PDE4D: variants seen among roughly 807,000 people sequenced by gnomAD.
PDE4D encodes 3',5'-cyclic-AMP phosphodiesterase 4D.
PDE4D carries 24 observed loss-of-function variants against 87.4 expected under a neutral mutation model. That is an observed-to-expected ratio of 0.27 (90% CI 0.20 to 0.39). The LOEUF is 0.39. Among genes scored for constraint, PDE4D ranks in the 10% least tolerant of loss-of-function variants. The pLI, the probability that PDE4D is intolerant of heterozygous loss-of-function variation, is 1.00. For missense variants in PDE4D, 714 were observed against 1,041.0 expected (o/e 0.69, Z 4.32); for synonymous variants, 384 against 383.2 (o/e 1.00, Z -0.02).
At position 59,200,353 on chromosome 5, in the gene PDE4D, A is replaced by G. The variant is rs368440634; in HGVS notation, c.648-6817T>C. Among the ~76,000 whole-genome samples the G allele has an allele frequency of 3.3e-3, 309 of 94,420 alleles. 9 individuals carry two copies. The highest frequency in any genetic ancestry group is 0.015 in the African/African-American group (278 of 18,206). 61.9% of individuals were successfully genotyped at this position (94,420 alleles called of 152,430 possible). A position where few individuals can be genotyped will look rare whatever the true frequency, so the allele number is the denominator to read the frequency against. ...CGTGTATGTACAGCTACACGTATACATACACGTGTATGTACAGCTACACGT... is the reference window on the plus strand; with the variant it reads ...CGTGTATGTACAGCTACACGTATACGTACACGTGTATGTACAGCTACACGT... On this transcript the variant is annotated intron_variant, in intron 2 of 14. Transcript: ENST00000340635.
At chr5:59,593,191 CT>C (rs1424203035) in intron 1 of PDE4D, among the ~76,000 whole-genome samples, 1 of 151,564 alleles carries the variant, frequency 6.6e-6, no homozygotes, top group African/African-American at 2.4e-5. Context: ...TTTCTAAAGG[CT>C]TTGTATAATA....
intron 3 of PDE4D, among the ~76,000 whole-genome samples, chr5:59,901,023 C>T (rs1400209426): frequency 1.3e-5 from 2 of 152,156 alleles, no homozygotes; most frequent in African/African-American, 4.8e-5. Flanking sequence ...TTTTAAAAAG[C>T]TCCCATTAAA....
At chr5:59,074,103 A>C (rs2153419841) in intron 5 of PDE4D, among the ~76,000 whole-genome samples, 1 of 152,290 alleles carries the variant, frequency 6.6e-6, no homozygotes, top group South Asian at 2.1e-4. Flanking sequence ...AAACAAATAT[A>C]CTGATTCAAG....
intron 1 of PDE4D, among the ~76,000 whole-genome samples, chr5:60,480,282 G>A (rs1295260558): frequency 1.3e-5 from 2 of 152,126 alleles, no homozygotes; most frequent in Non-Finnish European, 2.9e-5. Context: ...AATATATTTT[G>A]TGAAATAATC....
chr5:59,427,710 A>G (rs1045028206), intron 1 of PDE4D, among the ~76,000 whole-genome samples: 9 of 151,640 alleles, frequency 5.9e-5, no homozygotes, highest in African/African-American at 2.2e-4. Context: ...AGTGACCTCA[A>G]CTACTTGGTA....
At chr5:59,368,458 T>C (rs968019961) in intron 1 of PDE4D, among the ~76,000 whole-genome samples, 1 of 152,212 alleles carries the variant, frequency 6.6e-6, no homozygotes, top group South Asian at 2.1e-4. Context: ...AAATTTCATA[T>C]GATAGTCACT....
At chr5:60,097,950 G>A (rs1488670555) in intron 2 of PDE4D, among the ~76,000 whole-genome samples, 1 of 151,980 alleles carries the variant, frequency 6.6e-6, no homozygotes, top group East Asian at 1.9e-4. Context: ...CACTGGGTGT[G>A]AAGTGAGATT....
intron 5 of PDE4D, among the ~76,000 whole-genome samples, chr5:59,086,665 C>T (rs945960826): frequency 6.6e-6 from 1 of 152,100 alleles, no homozygotes; most frequent in Non-Finnish European, 1.5e-5. Flanking sequence ...TTCATATTTC[C>T]AATACTGGCA....
At chr5:59,720,430 C>G (rs1401086121) in intron 1 of PDE4D, among the ~76,000 whole-genome samples, 1 of 152,078 alleles carries the variant, frequency 6.6e-6, no homozygotes, top group Non-Finnish European at 1.5e-5. Flanking sequence ...AGGTATGAGC[C>G]AAAGTGTCTG....
intron 1 of PDE4D, among the ~76,000 whole-genome samples, chr5:59,233,295 T>C (rs866723330): frequency 1.6e-4 from 24 of 152,302 alleles, no homozygotes; most frequent in East Asian, 9.6e-4. Context: ...TGTACAAATA[T>C]TGTGAATTAA....
chr5:59,632,517 C>T (rs534920677), intron 1 of PDE4D, among the ~76,000 whole-genome samples: 7 of 152,148 alleles, frequency 4.6e-5, no homozygotes, highest in Non-Finnish European at 8.8e-5. Context: ...TGTTGGGTGC[C>T]CCTCTTGGAC....
intron 8 of PDE4D, 118 bp downstream of exon 8, chr5:58,991,714 A>G: frequency 1.7e-6 from 1 of 571,772 alleles, no homozygotes; most frequent in Non-Finnish European, 2.4e-6. Context: ...TCTTCAAAAA[A>G]AGAAAAAAAA....
intron 1 of PDE4D, among the ~76,000 whole-genome samples, chr5:60,462,622 A>T (rs1747041481): frequency 6.6e-6 from 1 of 152,200 alleles, no homozygotes; most frequent in Non-Finnish European, 1.5e-5. Flanking sequence ...CATGAAAGGT[A>T]TCTTAACTAG....
At chr5:59,159,124 A>AGCAAAGACCTCC (rs138224570) in intron 5 of PDE4D, among the ~76,000 whole-genome samples, 1 of 151,982 alleles carries the variant, frequency 6.6e-6, no homozygotes, top group East Asian at 1.9e-4. Flanking sequence ...CCTCCTCTGA[A>AGCAAAGACCTCC]TTCTTACGAT....
intron 1 of PDE4D, among the ~76,000 whole-genome samples, chr5:59,801,662 G>A (rs1767140370): frequency 6.6e-6 from 1 of 152,050 alleles, no homozygotes; most frequent in Non-Finnish European, 1.5e-5. Context: ...ACAAATCTTA[G>A]TATTAAAGCA....
In PDE4D at chr5:59,525,290, T is replaced by G. The variant is rs182632223; in HGVS notation, c.456-309322A>C. Among the ~76,000 whole-genome samples the G allele has an allele frequency of 2.8e-3, 421 of 152,366 alleles. 10 individuals carry two copies. The highest frequency in any genetic ancestry group is 9.6e-3 in the African/African-American group (400 of 41,592). On this transcript the variant is annotated intron_variant, in intron 1 of 14. Transcript: ENST00000340635. ...AACAGCATGAACTGGATGTAAGACA[T>G]GGAGTCAAAGGAGATCATTTTGGAA...
intron 2 of PDE4D, among the ~76,000 whole-genome samples, chr5:60,092,168 G>C (rs923607497): frequency 2.0e-5 from 3 of 150,112 alleles, no homozygotes; most frequent in Non-Finnish European, 2.9e-5. Flanking sequence ...GATGGAACTA[G>C]AGTATATTAC....
chr5:59,038,711 G>A (rs1759006220), intron 6 of PDE4D, 148 bp downstream of exon 6: 2 of 696,220 alleles, frequency 2.9e-6, no homozygotes, highest in East Asian at 6.7e-5. Flanking sequence ...CAAGGAAACA[G>A]GAACCTCCCT....
At chr5:60,507,176 G>A (rs1274559961) in intron 1 of PDE4D, among the ~76,000 whole-genome samples, 2 of 151,958 alleles carry the variant, frequency 1.3e-5, no homozygotes, top group Non-Finnish European at 2.9e-5. Flanking sequence ...CCATGTTGAA[G>A]CTATTCTCCT....
Sources: allele counts gnomAD v4.1 joint callset (sites outside exome capture counted in the v4.1 genomes callset), GRCh38; gene constraint gnomAD v4.1.1; transcripts MANE v1.5; gene names NCBI Gene and HGNC (gene_info 2026-07-23, HGNC 2026-07-21).